TRDN: variants seen among roughly 807,000 people sequenced by gnomAD.
TRDN encodes the protein triadin in skeletal muscle.
In TRDN, 161 loss-of-function variants were observed where a neutral mutation model predicts 149.7. That is an observed-to-expected ratio of 1.08 (90% CI 0.95 to 1.23). The LOEUF (loss-of-function observed/expected upper bound fraction) is 1.23, where lower values mean the gene tolerates loss of function less well. Among genes scored for constraint, TRDN ranks in the 50% most tolerant of loss-of-function variants. The pLI is 0.00. For synonymous variants in TRDN, 294 were observed against 250.5 expected (o/e 1.17, Z -1.64); for missense variants, 896 against 823.5 (o/e 1.09, Z -1.08).
intron 24 of TRDN, among the ~76,000 whole-genome samples, chr6:123,294,619 C>T (rs1778128754): frequency 6.6e-6 from 1 of 152,138 alleles, no homozygotes; most frequent in Non-Finnish European, 1.5e-5. Flanking sequence ...AGATTTAATG[C>T]TGCTGTTAAT....
intron 5 of TRDN, among the ~76,000 whole-genome samples, chr6:123,522,509 C>T (rs901761266): frequency 2.3e-5 from 3 of 131,384 alleles, no homozygotes; most frequent in Admixed American, 1.7e-4. Flanking sequence ...TGTGGGGGTG[C>T]GGTTCCTCTT....
At chr6:123,338,424 T>A (rs1024286922) in intron 21 of TRDN, among the ~76,000 whole-genome samples, 7 of 152,200 alleles carry the variant, frequency 4.6e-5, no homozygotes, top group Admixed American at 3.9e-4. Context: ...AGTATTCACC[T>A]GCTAATCTAG....
At chr6:123,474,160 G>C in intron 9 of TRDN, among the ~76,000 whole-genome samples, 1 of 147,376 alleles carries the variant, frequency 6.8e-6, no homozygotes, top group South Asian at 2.3e-4. Flanking sequence ...AAATTGGATA[G>C]AGTCAAGACC....
chr6:123,588,890 C>A (rs1349650763), intron 1 of TRDN, among the ~76,000 whole-genome samples: 1 of 152,118 alleles, frequency 6.6e-6, no homozygotes, highest in African/African-American at 2.4e-5. Context: ...GAATAAATAT[C>A]TTTCATGTTA....
intron 23 of TRDN, among the ~76,000 whole-genome samples, chr6:123,322,704 A>C (rs977379942): frequency 6.6e-6 from 1 of 151,086 alleles, no homozygotes; most frequent in African/African-American, 2.4e-5. Flanking sequence ...GCAGTGGCGC[A>C]ATCTCGGCTC....
chr6:123,223,573 C>G (rs549149103), intron 39 of TRDN, among the ~76,000 whole-genome samples: 1 of 151,754 alleles, frequency 6.6e-6, no homozygotes, highest in Non-Finnish European at 1.5e-5. Flanking sequence ...CCTGGAAATA[C>G]TTTATGAAGT....
Position 123,503,821 on chromosome 6 carries a change from T to C in TRDN, c.691A>G (p.Lys231Glu), listed in dbSNP as rs757679635. The C allele has an allele frequency of 1.2e-6, 2 of 1,609,650 alleles. No homozygotes were observed. The highest frequency in any genetic ancestry group is 1.7e-6 in the Non-Finnish European group (2 of 1,177,584). ...EVKGGKQEKV[K>E]QTAAKVKEVQ... ...TCTTTTACTTTTGCAGCTGTTTGCT[T>C]CACTTTCTCCTGTTTTCCACCTTTC... The change falls in exon 8 of 41, where the codon AAG (lysine) becomes GAG (glutamate). Residue 231 changes from lysine (K) to glutamate (E), a missense_variant. Lys to Glu is a moderately conservative substitution (Grantham distance 56). Coordinates refer to ENST00000334268, the MANE Select transcript of TRDN (RefSeq NM_006073.4).
chr6:123,410,833 T>A (rs1294745232), intron 12 of TRDN, among the ~76,000 whole-genome samples: 1 of 151,700 alleles, frequency 6.6e-6, no homozygotes, highest in Non-Finnish European at 1.5e-5. Context: ...TGTCCCTTAG[T>A]GTGTTAATAT....
At chr6:123,265,050 T>G (rs896640138) in intron 33 of TRDN, among the ~76,000 whole-genome samples, 1 of 151,994 alleles carries the variant, frequency 6.6e-6, no homozygotes. Flanking sequence ...TGAATTGCAT[T>G]TTTTGAATCA....
At position 123,520,435 on chromosome 6, in the gene TRDN, G is replaced by A. The variant is rs12530405; in HGVS notation, c.485-4229C>T. Among the ~76,000 whole-genome samples, 217 of 152,180 alleles carry A rather than the reference G, an allele frequency of 1.4e-3. 2 individuals carry two copies. The East Asian group carries it at 0.024, about 17-fold the overall frequency. The stretch of plus-strand genomic sequence containing the variant: ...AACCAGGACTCTCCTTCAAAACTAC[G>A]CAGCCATGTCTGTTCCAGGTTCTGT... On this transcript the variant is annotated intron_variant, in intron 5 of 40. Transcript: ENST00000334268.
At chr6:123,430,708 C>A (rs541751131) in intron 12 of TRDN, among the ~76,000 whole-genome samples, 6 of 152,200 alleles carry the variant, frequency 3.9e-5, no homozygotes, top group African/African-American at 1.2e-4. Context: ...TAAAAATAGT[C>A]GCATGTATAC....
intron 24 of TRDN, among the ~76,000 whole-genome samples, chr6:123,303,296 C>G (rs555826177): frequency 7.7e-6 from 1 of 130,326 alleles, no homozygotes; most frequent in Non-Finnish European, 1.8e-5. Context: ...AAATTATTAA[C>G]CAATGATTTC....
chr6:123,338,476 T>C (rs1009422377), intron 21 of TRDN, among the ~76,000 whole-genome samples: 37 of 152,174 alleles, frequency 2.4e-4, no homozygotes, highest in Non-Finnish European at 1.0e-4. Context: ...GTGAGTAATC[T>C]AATTAACACC....
rs1250885370 is a variant in TRDN at position 123,339,263 on chromosome 6, C to T, written c.1370-1594G>A. Reference sequence around the variant, plus strand: ...CAAGTGATCTGCTGAACTCGGTCTCCCAAAGTGCTGGGATTACAGGCGTGA... The same window carrying T: ...CAAGTGATCTGCTGAACTCGGTCTCTCAAAGTGCTGGGATTACAGGCGTGA... On this transcript the variant is annotated intron_variant, in intron 21 of 40. Coordinates refer to ENST00000334268, the MANE Select transcript of TRDN (RefSeq NM_006073.4). Among the ~76,000 whole-genome samples, 23 of 152,076 alleles carry T rather than the reference C, an allele frequency of 1.5e-4. 1 individual carries two copies. The highest frequency in any genetic ancestry group is 5.3e-4 in the African/African-American group (22 of 41,408).
chr6:123,250,389 C>T (rs1036966327), intron 38 of TRDN, among the ~76,000 whole-genome samples: 2 of 152,006 alleles, frequency 1.3e-5, no homozygotes, highest in African/African-American at 4.8e-5. Flanking sequence ...AAAACCCACT[C>T]CTACCACCAC....
At chr6:123,413,800 T>G (rs1439200263) in intron 12 of TRDN, among the ~76,000 whole-genome samples, 1 of 152,130 alleles carries the variant, frequency 6.6e-6, no homozygotes, top group Non-Finnish European at 1.5e-5. Flanking sequence ...AAATCATGAA[T>G]AGGCTTCTTA....
chr6:123,439,122 A>C (rs1583021941), intron 10 of TRDN, 119 bp from the exon 11 acceptor site: 2 of 684,656 alleles, frequency 2.9e-6, no homozygotes, highest in East Asian at 5.5e-5. Context: ...GTGACTGAGC[A>C]AGTAATTTAA....
At chr6:123,225,545 T>G (rs1243887382) in intron 38 of TRDN, among the ~76,000 whole-genome samples, 1 of 137,000 alleles carries the variant, frequency 7.3e-6, no homozygotes, top group African/African-American at 2.5e-5. Context: ...TACACACACA[T>G]ACACACACAC....
At chr6:123,431,956 A>G (rs1444434764) in intron 12 of TRDN, among the ~76,000 whole-genome samples, 1 of 152,302 alleles carries the variant, frequency 6.6e-6, no homozygotes, top group South Asian at 2.1e-4. Context: ...TTTTGTAGAG[A>G]GAAAGCAAAT....
Sources: gnomAD v4.1 joint callset for allele counts (sites outside exome capture counted in the v4.1 genomes callset) on GRCh38, gnomAD v4.1.1 for gene constraint, MANE v1.5 for transcripts, NCBI Gene and HGNC (gene_info 2026-07-23, HGNC 2026-07-21) for gene names.